Variants in PTPRE observed in about 807,000 individuals in gnomAD.
PTPRE encodes receptor-type tyrosine-protein phosphatase epsilon.
Under a neutral mutation model 102.0 loss-of-function variants are expected in PTPRE, and 51 were observed. The ratio of observed to expected loss-of-function variants is 0.50; its 90% CI spans 0.40 to 0.63. The LOEUF (loss-of-function observed/expected upper bound fraction) is 0.63. Among genes scored for constraint, PTPRE ranks in the 30% least tolerant of loss-of-function variants. The pLI is 0.00. For synonymous variants in PTPRE, 345 were observed against 348.2 expected (o/e 0.99, Z 0.10); for missense variants, 752 against 915.1 (o/e 0.82, Z 2.30).
At chr10:128,042,191 G>A (rs1847752047) in intron 3 of PTPRE, among the ~76,000 whole-genome samples, 1 of 152,084 alleles carries the variant, frequency 6.6e-6, no homozygotes, top group Non-Finnish European at 1.5e-5. Context: ...TAATCGACTG[G>A]CCACGTAGAA....
chr10:128,070,693 G>T lies in PTPRE; in HGVS notation c.1294-115G>T. 1 of 1,250,930 alleles carries T rather than the reference G, an allele frequency of 8.0e-7. No individual in the cohort carries two copies. The highest frequency in any genetic ancestry group is 1.5e-5 in the African/African-American group (1 of 67,248). The allele number at this position is 1,250,930 out of a possible 1,614,324, so 77.5% of individuals were successfully genotyped here. A position where few individuals can be genotyped will look rare whatever the true frequency, so the allele number is the denominator to read the frequency against. On this transcript the variant is annotated intron_variant, in intron 14 of 20. Transcript: ENST00000254667. The surrounding 1 kb of genome is among the most constrained non-coding windows in gnomAD (Gnocchi z 4.8). ...CAATGCTAAGGAGGCTTCCTGGGTT[G>T]GAGAGTGGTTTCCTTTGAGCAGGCG...
intron 6 of PTPRE, among the ~76,000 whole-genome samples, chr10:128,050,359 G>T (rs1233989958): frequency 6.8e-6 from 1 of 148,006 alleles, no homozygotes; most frequent in East Asian, 2.0e-4. Context: ...ATGGATGGAT[G>T]GATGGATGGA....
intron 2 of PTPRE, among the ~76,000 whole-genome samples, chr10:127,990,518 G>T (rs148372296): frequency 1.2e-3 from 184 of 152,132 alleles, no homozygotes; most frequent in African/African-American, 4.3e-3. Flanking sequence ...AACATAAAGG[G>T]CTGGGTGAGA....
At chr10:127,970,475 T>C (rs572953226) in intron 1 of PTPRE, among the ~76,000 whole-genome samples, 86 of 151,302 alleles carry the variant, frequency 5.7e-4, no homozygotes, top group African/African-American at 2.0e-3. Context: ...TCCTCCCTCA[T>C]TACCTGTCCC....
chr10:128,079,034 C>T (rs115206017), intron 19 of PTPRE, among the ~76,000 whole-genome samples: 229 of 152,326 alleles, frequency 1.5e-3, no homozygotes, highest in African/African-American at 5.1e-3. Context: ...TGACTCAAAT[C>T]GGCCTTGCTG....
At position 128,085,371 on chromosome 10, in the gene PTPRE, A is replaced by C. The variant is rs1419765217; in HGVS notation, c.*2465A>C. 1 of 242,426 alleles carries C rather than the reference A, an allele frequency of 4.1e-6. No individual in the cohort carries two copies. 15.0% of individuals were successfully genotyped at this position (242,426 alleles called of 1,614,324 possible). On this transcript the variant is annotated 3_prime_UTR_variant, in exon 21 of 21. Coordinates refer to ENST00000254667, the MANE Select transcript of PTPRE (RefSeq NM_006504.6). ...CAGTGCCGACACCATTGTTCCTTTC[A>C]CACTTTCCTTTGTTGCATGCAGTTG...
chr10:127,909,239 A>G (rs377329418), intron 1 of PTPRE, among the ~76,000 whole-genome samples: 256 of 152,230 alleles, frequency 1.7e-3, no homozygotes, highest in African/African-American at 5.8e-3. Flanking sequence ...GTGTGTGTAC[A>G]TCCTTGCCCC....
At chr10:127,912,106 TC>T (rs1186521506) in intron 1 of PTPRE, among the ~76,000 whole-genome samples, 1 of 152,142 alleles carries the variant, frequency 6.6e-6, no homozygotes, top group East Asian at 1.9e-4. Flanking sequence ...GCTGCTGTTT[TC>T]CCAGTCATAC....
At chr10:127,918,463 G>A (rs1245687807) in intron 1 of PTPRE, among the ~76,000 whole-genome samples, 4 of 151,656 alleles carry the variant, frequency 2.6e-5, no homozygotes, top group African/African-American at 7.3e-5. Context: ...GGAAGCTGAG[G>A]CAGGAGAATG....
chr10:128,006,984 C>A (rs1854619555), intron 2 of PTPRE, among the ~76,000 whole-genome samples: 1 of 152,158 alleles, frequency 6.6e-6, no homozygotes, highest in Non-Finnish European at 1.5e-5. Flanking sequence ...TCTTATTTGA[C>A]CTGAACATTG....
In PTPRE at chr10:128,033,626, T is replaced by A. The variant is rs551108568; in HGVS notation, c.-7-7249T>A. Among the ~76,000 whole-genome samples, 26 of 152,340 alleles carry A rather than the reference T, an allele frequency of 1.7e-4. No homozygotes were observed. The South Asian group carries it at 5.4e-3, about 32-fold the overall frequency. ...AATGTATTGTACTTGGAATTGATTATGGTGTACACATCATTTATTTACTTA... is the reference window on the plus strand; with the variant it reads ...AATGTATTGTACTTGGAATTGATTAAGGTGTACACATCATTTATTTACTTA... On this transcript the variant is annotated intron_variant, in intron 2 of 20. Coordinates refer to ENST00000254667, the MANE Select transcript of PTPRE (RefSeq NM_006504.6).
At chr10:128,061,653 T>A (rs1849601578) in intron 8 of PTPRE, 26 bp from the exon 9 acceptor site, 2 of 1,577,680 alleles carry the variant, frequency 1.3e-6, no homozygotes, top group East Asian at 2.3e-5. Flanking sequence ...TCTGAAAAAA[T>A]ATAAATCTGA....
chr10:127,916,815 C>T (rs1166420442), intron 1 of PTPRE, among the ~76,000 whole-genome samples: 2 of 152,128 alleles, frequency 1.3e-5, no homozygotes, highest in Admixed American at 6.5e-5. Flanking sequence ...ATTATGACCC[C>T]CTTTGTGATT....
intron 2 of PTPRE, among the ~76,000 whole-genome samples, chr10:127,986,224 T>G (rs975526141): frequency 1.6e-4 from 25 of 151,946 alleles, no homozygotes; most frequent in African/African-American, 6.0e-4. Flanking sequence ...TCTTTAACAA[T>G]AGATTTATGA....
Position 128,047,757 on chromosome 10 carries a change from C to T in PTPRE, c.210-7C>T, listed in dbSNP as rs541580564. 7.4e-6 allele frequency: 12 copies of T among 1,610,844 alleles called. No homozygotes were observed. Among genetic ancestry groups the T allele is most frequent in the Non-Finnish European group, 1.0e-5 (12 of 1,177,358 alleles). ...TGTGGAAACCTAACGCATCCTGTGT[C>T]TCTAAGGTTCAGGAAGCAGAGGAAA... On this transcript the variant is annotated splice_region_variant and splice_polypyrimidine_tract_variant and intron_variant, in intron 4 of 20. Transcript: ENST00000254667.
intron 10 of PTPRE, among the ~76,000 whole-genome samples, chr10:128,064,970 G>A (rs991387258): frequency 2.0e-5 from 3 of 152,208 alleles, no homozygotes; most frequent in Non-Finnish European, 2.9e-5. Flanking sequence ...CATGTTCTCA[G>A]TTCCTACTGG....
chr10:128,057,356 G>T (rs1288520529), intron 7 of PTPRE, among the ~76,000 whole-genome samples: 1 of 152,214 alleles, frequency 6.6e-6, no homozygotes, highest in African/African-American at 2.4e-5. Context: ...CTAAGTTCAG[G>T]TTTAAATCCC....
At chr10:127,964,194 G>A (rs1850059801) in intron 1 of PTPRE, among the ~76,000 whole-genome samples, 1 of 152,114 alleles carries the variant, frequency 6.6e-6, no homozygotes, top group Admixed American at 6.5e-5. Context: ...TTTTGAGACA[G>A]AGTCTTGCTC....
At chr10:127,995,822 A>AACACAC (rs1166096183) in intron 2 of PTPRE, among the ~76,000 whole-genome samples, 1 of 100,412 alleles carries the variant, frequency 1.0e-5, no homozygotes, top group African/African-American at 5.2e-5. Flanking sequence ...ACTCTACACG[A>AACACAC]GCACACACAC....
Sources: gnomAD v4.1 joint callset for allele counts (sites outside exome capture counted in the v4.1 genomes callset) on GRCh38, gnomAD v4.1.1 for gene constraint, Gnocchi (gnomAD v3.1) non-coding constraint, MANE v1.5 for transcripts, NCBI Gene and HGNC (gene_info 2026-07-23, HGNC 2026-07-21) for gene names.